Variants in NRXN3 observed in about 807,000 individuals in gnomAD.
NRXN3 encodes neurexin III.
NRXN3 carries 32 observed loss-of-function variants against 137.6 expected under a neutral mutation model. The observed-to-expected ratio is 0.23, with a 90% CI of 0.18 to 0.31. The LOEUF is 0.31. Ranked by LOEUF, NRXN3 falls within the 10% of genes least tolerant of loss-of-function variation. NRXN3 has a pLI of 1.00. For missense variants in NRXN3, 1,574 were observed against 2,062.5 expected, an observed-to-expected ratio of 0.76 and a Z score of 4.59; for synonymous variants, 798 against 784.5, an observed-to-expected ratio of 1.02 and a Z score of -0.29.
chr14:78,861,452 T>C (rs1596597039), intron 10 of NRXN3, among the ~76,000 whole-genome samples: 1 of 152,178 alleles, frequency 6.6e-6, no homozygotes, highest in Admixed American at 6.6e-5. Context: ...CCTTGAAAAA[T>C]AAATAAGAGT....
intron 16 of NRXN3, among the ~76,000 whole-genome samples, chr14:79,492,601 T>C (rs2096727960): frequency 6.6e-6 from 1 of 152,184 alleles, no homozygotes; most frequent in African/African-American, 2.4e-5. Flanking sequence ...CAGGATGGTC[T>C]CGAACTCCAG....
At chr14:79,333,003 A>AT (rs1293174440) in intron 15 of NRXN3, among the ~76,000 whole-genome samples, 1 of 151,826 alleles carries the variant, frequency 6.6e-6, no homozygotes, top group Non-Finnish European at 1.5e-5. Context: ...TCTCATCTCC[A>AT]TCCTACTTTC....
intron 10 of NRXN3, among the ~76,000 whole-genome samples, chr14:78,920,292 C>G (rs1035671954): frequency 6.6e-6 from 1 of 152,094 alleles, no homozygotes; most frequent in African/African-American, 2.4e-5. Context: ...TGATGCCAGT[C>G]ACCTTGATCG....
chr14:79,303,247 G>A (rs2153224401), intron 15 of NRXN3, among the ~76,000 whole-genome samples: 1 of 152,148 alleles, frequency 6.6e-6, no homozygotes, highest in African/African-American at 2.4e-5. Flanking sequence ...TCTTTGGAAA[G>A]TCTTCTTAGT....
chr14:78,764,921 T>C (rs2098704001), intron 8 of NRXN3, among the ~76,000 whole-genome samples: 1 of 152,156 alleles, frequency 6.6e-6, no homozygotes, highest in Non-Finnish European at 1.5e-5. Context: ...GAGGAATCAA[T>C]ATCTGGGGGC....
intron 16 of NRXN3, among the ~76,000 whole-genome samples, chr14:79,608,062 G>A (rs1006923934): frequency 2.0e-5 from 3 of 152,138 alleles, no homozygotes; most frequent in Non-Finnish European, 4.4e-5. Flanking sequence ...GTATTATAAA[G>A]CTGTCAACAT....
chr14:79,619,951 C>A (rs534407115), intron 16 of NRXN3, among the ~76,000 whole-genome samples: 4 of 152,116 alleles, frequency 2.6e-5, no homozygotes, highest in African/African-American at 9.6e-5. Context: ...TTTTTATTTT[C>A]AAAAAGCTCT....
chr14:78,435,330 G>T (rs1424190971), intron 4 of NRXN3, among the ~76,000 whole-genome samples: 1 of 152,140 alleles, frequency 6.6e-6, no homozygotes, highest in African/African-American at 2.4e-5. Context: ...TGAGAAGGGT[G>T]CATGTATATT....
intron 15 of NRXN3, among the ~76,000 whole-genome samples, chr14:79,063,583 T>C (rs1353724144): frequency 2.0e-5 from 3 of 152,174 alleles, no homozygotes; most frequent in Admixed American, 6.5e-5. Flanking sequence ...CAAAACCTTC[T>C]TCTTGCAGTT....
chr14:78,176,146 T>C (rs213567), intron 1 of NRXN3, among the ~76,000 whole-genome samples: 81,083 of 152,066 alleles, frequency 0.53, 21,764 homozygotes, highest in Middle Eastern at 0.57. Flanking sequence ...TTGCCTCTGG[T>C]TGTCTTAGCC....
intron 15 of NRXN3, among the ~76,000 whole-genome samples, chr14:79,181,673 C>G (rs1257146817): frequency 7.1e-6 from 1 of 139,908 alleles, no homozygotes; most frequent in Non-Finnish European, 1.6e-5. Flanking sequence ...CAGAGTGTGA[C>G]CCTGTCTCAA....
chr14:79,406,009 C>T (rs2095303842), intron 15 of NRXN3, among the ~76,000 whole-genome samples: 1 of 152,106 alleles, frequency 6.6e-6, no homozygotes, highest in African/African-American at 2.4e-5. Flanking sequence ...TGTCCATGAA[C>T]ATTAAACAAA....
chr14:78,244,639 T>A (rs1381393658), intron 2 of NRXN3, among the ~76,000 whole-genome samples: 1 of 152,176 alleles, frequency 6.6e-6, no homozygotes. Flanking sequence ...GGGAGGTGTC[T>A]AGAAGGTGGA....
intron 15 of NRXN3, among the ~76,000 whole-genome samples, chr14:79,057,068 C>T (rs762112180): frequency 6.6e-5 from 10 of 152,282 alleles, no homozygotes; most frequent in South Asian, 4.1e-4. Context: ...TTTTCTCAAG[C>T]GAGTAGACCA....
At chr14:79,698,682 G>GT (rs533667205) in intron 19 of NRXN3, among the ~76,000 whole-genome samples, 65 of 152,066 alleles carry the variant, frequency 4.3e-4, no homozygotes, top group African/African-American at 1.4e-3. Flanking sequence ...GGGGTAGGAG[G>GT]TTAACTGAAT....
chr14:78,429,211 G>A (rs1012749479), intron 4 of NRXN3, among the ~76,000 whole-genome samples: 14 of 150,406 alleles, frequency 9.3e-5, no homozygotes, highest in African/African-American at 3.5e-4. Flanking sequence ...TGAGTAGCTG[G>A]AATTAAAAGT....
At chr14:78,247,419 A>G (rs2067859685) in intron 2 of NRXN3, among the ~76,000 whole-genome samples, 1 of 152,192 alleles carries the variant, frequency 6.6e-6, no homozygotes, top group Non-Finnish European at 1.5e-5. Context: ...AATTCCACAC[A>G]GCTCACTTGG....
At chr14:79,362,032 T>TATC (rs1555399894) in intron 15 of NRXN3, among the ~76,000 whole-genome samples, 2,370 of 147,918 alleles carry the variant, frequency 0.016, 49 homozygotes, top group African/African-American at 0.056. Context: ...TTATTATTAT[T>TATC]ATTTGCAACC....
chr14:79,174,658 A>G (rs1227019209), intron 15 of NRXN3, among the ~76,000 whole-genome samples: 2 of 151,656 alleles, frequency 1.3e-5, no homozygotes, highest in Non-Finnish European at 2.9e-5. Flanking sequence ...AGGAAAGATT[A>G]AGTAAATGTT....
Sources: allele counts gnomAD v4.1 joint callset (sites outside exome capture counted in the v4.1 genomes callset), GRCh38; gene constraint gnomAD v4.1.1; transcripts MANE v1.5; gene names NCBI Gene and HGNC (gene_info 2026-07-23, HGNC 2026-07-21).